Variants in B3GLCT observed in about 807,000 individuals in gnomAD.
B3GLCT encodes the protein beta 3-glucosyltransferase.
B3GLCT carries 65 observed loss-of-function variants against 63.4 expected under a neutral mutation model. That is an observed-to-expected ratio of 1.03 (90% CI 0.84 to 1.26). The LOEUF (loss-of-function observed/expected upper bound fraction) is 1.26. B3GLCT is among the 50% of genes most tolerant of loss of function. B3GLCT has a pLI of 0.00. For synonymous variants in B3GLCT, 233 were observed against 219.2 expected, an observed-to-expected ratio of 1.06 and a Z score of -0.55; for missense variants, 577 against 604.8, an observed-to-expected ratio of 0.95 and a Z score of 0.48.
chr13:31,276,784 T>TTA lies in B3GLCT; in HGVS notation c.850+15_850+16dup. On this transcript the variant is annotated intron_variant, in intron 10 of 14. Coordinates refer to ENST00000343307, the MANE Select transcript of B3GLCT (RefSeq NM_194318.4). ...CATGGTGACAGAAGTATGTTTTGGG[T>TTA]TATTCATTTTATTGAACGCTAAAAT... 1 of 1,585,478 alleles carries TTA rather than the reference T, an allele frequency of 6.3e-7. No individual in the cohort carries two copies. Among genetic ancestry groups the TTA allele is most frequent in the Admixed American group, 1.7e-5 (1 of 59,956 alleles).
chr13:31,247,118 C>G lies in B3GLCT; in HGVS notation c.347+19C>G. ...TACCGCAGTACGTTTGTTTAACTCACCTGTGAATTACTGACATTCCTACCT... is the reference window on the plus strand; with the variant it reads ...TACCGCAGTACGTTTGTTTAACTCAGCTGTGAATTACTGACATTCCTACCT... On this transcript the variant is annotated intron_variant, in intron 5 of 14. Transcript: ENST00000343307. 6.3e-7 allele frequency: 1 copy of G among 1,579,156 alleles called. No homozygotes were observed. Among genetic ancestry groups the G allele is most frequent in the South Asian group, 1.1e-5 (1 of 90,316 alleles).
intron 1 of B3GLCT, among the ~76,000 whole-genome samples, chr13:31,206,808 C>T (rs1423501160): frequency 6.6e-6 from 1 of 152,008 alleles, no homozygotes; most frequent in Non-Finnish European, 1.5e-5. Context: ...CTGGAGAGAG[C>T]AAAGTGTGGC....
Position 31,293,348 on chromosome 13 carries a change from A to T in B3GLCT, c.1064+6529A>T, listed in dbSNP as rs551174794. 1.3e-5 allele frequency among the ~76,000 whole-genome samples: 2 copies of T among 152,088 alleles called. 1 individual carries two copies. Among genetic ancestry groups the T allele is most frequent in the South Asian group, 4.2e-4 (2 of 4,814 alleles). ...GGTCCAGAGCTGAGTTCAAGTCCTG[A>T]ATATCCTTGTTAATTTTCTGTCTCG... On this transcript the variant is annotated intron_variant, in intron 12 of 14. Coordinates refer to ENST00000343307, the MANE Select transcript of B3GLCT (RefSeq NM_194318.4).
chr13:31,239,562 A>G (rs779307483), intron 4 of B3GLCT, among the ~76,000 whole-genome samples: 1 of 152,140 alleles, frequency 6.6e-6, no homozygotes, highest in Non-Finnish European at 1.5e-5. Context: ...ATTTGTGTAA[A>G]AATTCTTATA....
intron 6 of B3GLCT, among the ~76,000 whole-genome samples, chr13:31,260,195 C>A (rs753500717): frequency 6.6e-6 from 1 of 152,182 alleles, no homozygotes; most frequent in Non-Finnish European, 1.5e-5. Context: ...AGTCCTTTGA[C>A]GGCTCTTCCT....
At chr13:31,298,118 A>G (rs1294372873) in intron 12 of B3GLCT, among the ~76,000 whole-genome samples, 1 of 152,210 alleles carries the variant, frequency 6.6e-6, no homozygotes, top group Non-Finnish European at 1.5e-5. Context: ...CTCTCTAATC[A>G]TGCCTTTGCC....
intron 3 of B3GLCT, among the ~76,000 whole-genome samples, chr13:31,228,805 T>C (rs1425288776): frequency 6.6e-6 from 1 of 152,204 alleles, no homozygotes; most frequent in Non-Finnish European, 1.5e-5. Flanking sequence ...AGCAGCACAG[T>C]GTAGGATTAT....
In B3GLCT at chr13:31,317,622, T is replaced by C; in HGVS notation, c.1121T>C (p.Leu374Pro). ...TATGACTCCGGCGAGCCTGTGTTTC[T>C]GGGAGAGCGCTACGGCTACGGCCTG... ...SCYDSGEPVF[L>P]GERYGYGLGT... The change falls in exon 13 of 15, where the codon CTG (leucine) becomes CCG (proline). Residue 374 changes from leucine to proline, a missense_variant. By Grantham distance (98) the Leu-to-Pro change is moderately conservative (BLOSUM62 -3). Transcript: ENST00000343307. 6.2e-7 allele frequency: 1 copy of C among 1,614,108 alleles called. No individual in the cohort carries two copies.
chr13:31,331,310 T>C lies in B3GLCT; in HGVS notation c.*1642T>C, dbSNP rs1222111108. 1 of 152,254 alleles carries C rather than the reference T, an allele frequency of 6.6e-6. No homozygotes were observed. The highest frequency in any genetic ancestry group is 2.4e-5 in the African/African-American group (1 of 41,472). The allele number at this position is 152,254 out of a possible 1,614,324, so 9.4% of individuals were successfully genotyped here. A position where few individuals can be genotyped will look rare whatever the true frequency, so the allele number is the denominator to read the frequency against. ...AGTCTCCAGTTCTGCTCTGGCCTAC[T>C]AACTGTTACCACTGAGAGAACAACA... On this transcript the variant is annotated 3_prime_UTR_variant, in exon 15 of 15. Transcript: ENST00000343307.
intron 2 of B3GLCT, 98 bp from the exon 3 acceptor site, chr13:31,222,854 G>A (rs912970306): frequency 2.4e-6 from 2 of 837,486 alleles, no homozygotes; most frequent in Admixed American, 1.8e-5. Context: ...TTCCTCCCAT[G>A]TGCTGATACA....
intron 14 of B3GLCT, among the ~76,000 whole-genome samples, chr13:31,328,993 A>G (rs1315925628): frequency 6.6e-6 from 1 of 152,186 alleles, no homozygotes; most frequent in Non-Finnish European, 1.5e-5. Context: ...CATGAGTTAC[A>G]TTATCCTCCT....
At chr13:31,216,004 T>G (rs1288339257) in intron 2 of B3GLCT, among the ~76,000 whole-genome samples, 1 of 152,212 alleles carries the variant, frequency 6.6e-6, no homozygotes, top group African/African-American at 2.4e-5. Flanking sequence ...AAATGTTTAC[T>G]AGTTGGGCTT....
At chr13:31,259,471 C>T (rs954221159) in intron 6 of B3GLCT, among the ~76,000 whole-genome samples, 11 of 151,942 alleles carry the variant, frequency 7.2e-5, no homozygotes, top group South Asian at 2.1e-4. Flanking sequence ...CTTGATCTCC[C>T]GGCACTACAG....
At position 31,305,404 on chromosome 13, in the gene B3GLCT, A is replaced by G. The variant is rs1432685792; in HGVS notation, c.1065-12162A>G. Among the ~76,000 whole-genome samples the G allele has an allele frequency of 2.3e-5, 2 of 86,324 alleles. 1 individual carries two copies. The highest frequency in any genetic ancestry group is 4.8e-5 in the Non-Finnish European group (2 of 41,878). 56.6% of individuals were successfully genotyped at this position (86,324 alleles called of 152,430 possible). On this transcript the variant is annotated intron_variant, in intron 12 of 14. Transcript: ENST00000343307. The stretch of plus-strand genomic sequence containing the variant: ...TGAATCCAGGAGCTGGTTTTTTGAA[A>G]GGATCAACAAAATTGATAGACCGCT...
intron 12 of B3GLCT, among the ~76,000 whole-genome samples, chr13:31,299,616 C>T (rs1874127211): frequency 6.6e-6 from 1 of 152,140 alleles, no homozygotes; most frequent in South Asian, 2.1e-4. Flanking sequence ...TTCTTATTGG[C>T]ATTTTGTGCC....
At chr13:31,318,215 A>G (rs957698265) in intron 13 of B3GLCT, among the ~76,000 whole-genome samples, 1 of 152,196 alleles carries the variant, frequency 6.6e-6, no homozygotes, top group Admixed American at 6.5e-5. Flanking sequence ...ATATGGGTAA[A>G]TCAATTAAGC....
chr13:31,275,803 A>G (rs1271808633), intron 9 of B3GLCT, among the ~76,000 whole-genome samples: 1 of 152,158 alleles, frequency 6.6e-6, no homozygotes, highest in Admixed American at 6.5e-5. Context: ...ACACACGCAC[A>G]CACACACACC....
At chr13:31,246,951 CTTTT>C in intron 4 of B3GLCT, 68 bp from the exon 5 acceptor site, 6 of 778,718 alleles carry the variant, frequency 7.7e-6, no homozygotes, top group Non-Finnish European at 7.9e-6. Context: ...CTTTTCTTTT[CTTTT>C]TTTTTTTTTT....
intron 7 of B3GLCT, among the ~76,000 whole-genome samples, chr13:31,262,356 G>A (rs1593281750): frequency 6.6e-6 from 1 of 152,310 alleles, no homozygotes; most frequent in East Asian, 1.9e-4. Context: ...TCAGTCCTGG[G>A]CCTGCCGGGC....
Sources: gnomAD v4.1 joint callset for allele counts (sites outside exome capture counted in the v4.1 genomes callset) on GRCh38, gnomAD v4.1.1 for gene constraint, MANE v1.5 for transcripts, NCBI Gene and HGNC (gene_info 2026-07-23, HGNC 2026-07-21) for gene names.